GJB6: variants seen among roughly 807,000 people sequenced by gnomAD.
GJB6 encodes gap junction beta-6 protein.
GJB6 carries 5 observed loss-of-function variants against 5.4 expected under a neutral mutation model. That is an observed-to-expected ratio of 0.92 (90% CI 0.48 to 1.93). The LOEUF is 1.93. Ranked by LOEUF, GJB6 falls within the 30% of genes most tolerant of loss-of-function variation. GJB6 has a pLI of 0.01. For missense variants in GJB6, 298 were observed against 326.9 expected, an observed-to-expected ratio of 0.91 and a Z score of 0.68; for synonymous variants, 136 against 129.6, an observed-to-expected ratio of 1.05 and a Z score of -0.34.
At chr13:20,228,419 A>G (rs949824025) in intron 4 of GJB6, among the ~76,000 whole-genome samples, 1 of 152,180 alleles carries the variant, frequency 6.6e-6, no homozygotes, top group African/African-American at 2.4e-5. Flanking sequence ...GTTTTGTAGT[A>G]AATGTAATCA....
rs184890006 is a variant in GJB6 at position 20,230,286 on chromosome 13, G to A, written c.-186+412C>T. On this transcript the variant is annotated intron_variant, in intron 3 of 4. Coordinates refer to ENST00000647029, the MANE Select transcript of GJB6 (RefSeq NM_001110219.3). ...AAAATTAACTCAATAAAAATGAAAC[G>A]TTTCTGTCTGTGGAGTCTAGATGTA... 1.3e-3 allele frequency among the ~76,000 whole-genome samples: 200 copies of A among 152,234 alleles called. 1 individual carries two copies. Among genetic ancestry groups the A allele is most frequent in the Middle Eastern group, 0.01 (3 of 294 alleles).
Position 20,222,853 on chromosome 13 carries a change from A to G in GJB6, c.628T>C (p.Leu210=). The change falls in exon 5 of 5, where the codon TTG becomes CTG. Residue 210 remains leucine (L), a synonymous_variant. Transcript: ENST00000647029. The part of the protein sequence containing the change: ...VICMLLNVAE[L]CYLLLKVCFR... ...CACACTTTCAGCAGCAGGTAGCACA[A>G]CTCTGCCACGTTAAGCAGCATGCAA... The G allele has an allele frequency of 6.2e-7, 1 of 1,614,072 alleles. No individual in the cohort carries two copies. Among genetic ancestry groups the G allele is most frequent in the South Asian group, 1.1e-5 (1 of 91,080 alleles).
At chr13:20,223,829 C>T (rs1329992799) in intron 4 of GJB6, among the ~76,000 whole-genome samples, 4 of 152,044 alleles carry the variant, frequency 2.6e-5, no homozygotes, top group South Asian at 2.1e-4. Flanking sequence ...ATTAGCCTGG[C>T]GTGGTGGCGG....
chr13:20,228,757 T>A (rs911647580), intron 4 of GJB6, among the ~76,000 whole-genome samples: 3 of 151,960 alleles, frequency 2.0e-5, no homozygotes, highest in African/African-American at 4.8e-5. Context: ...GTGCTGGGAT[T>A]ACAAGCATGA....
At chr13:20,229,123 CAAAAAAAA>C (rs5802041) in intron 4 of GJB6, among the ~76,000 whole-genome samples, 2 of 43,876 alleles carry the variant, frequency 4.6e-5, no homozygotes, top group Admixed American at 9.6e-4. Context: ...TGTCATTTAG[CAAAAAAAA>C]AAAAAAAAAA....
At chr13:20,227,992 G>A (rs1243919870) in intron 4 of GJB6, among the ~76,000 whole-genome samples, 1 of 130,290 alleles carries the variant, frequency 7.7e-6, no homozygotes, top group Non-Finnish European at 1.6e-5. Flanking sequence ...TTGTGGGTTG[G>A]GGGTGGCAAA....
rs992970427 is a variant in GJB6 at position 20,222,076 on chromosome 13, C to T, written c.*619G>A. ...AAAAGCCTTCTGCTTCCACACTGTT[C>T]CGTCTACATTCAGAAAGCAGTAAAA... On this transcript the variant is annotated 3_prime_UTR_variant, in exon 5 of 5. Transcript: ENST00000647029. 1 of 153,200 alleles carries T rather than the reference C, an allele frequency of 6.5e-6. No homozygotes were observed. The highest frequency in any genetic ancestry group is 1.5e-5 in the Non-Finnish European group (1 of 68,448). 9.5% of individuals were successfully genotyped at this position (153,200 alleles called of 1,614,324 possible).
rs145040235 is a variant in GJB6 at position 20,226,905 on chromosome 13, C to A, written c.-16+2675G>T. Among the ~76,000 whole-genome samples, 291 of 152,284 alleles carry A rather than the reference C, an allele frequency of 1.9e-3. 1 individual carries two copies. Among genetic ancestry groups the A allele is most frequent in the African/African-American group, 6.6e-3 (273 of 41,558 alleles). On this transcript the variant is annotated intron_variant, in intron 4 of 4. Coordinates refer to ENST00000647029, the MANE Select transcript of GJB6 (RefSeq NM_001110219.3). ...AGCAGGTGAGACAGCTGTGTTCTCT[C>A]GGTTCTCTAGCCCGTGGCCTGCCTG...
chr13:20,228,480 G>GTTTTTTTT, intron 4 of GJB6, among the ~76,000 whole-genome samples: 1 of 118,108 alleles, frequency 8.5e-6, no homozygotes, highest in Non-Finnish European at 1.7e-5. Flanking sequence ...TTTGTTTTTT[G>GTTTTTTTT]TTTTTGTTTT....
intron 4 of GJB6, among the ~76,000 whole-genome samples, chr13:20,229,120 T>C (rs1161095865): frequency 2.8e-5 from 2 of 72,648 alleles, no homozygotes; most frequent in Non-Finnish European, 4.8e-5. Context: ...CAATGTCATT[T>C]AGCAAAAAAA....
rs575990264 is a variant in GJB6, at chr13:20,223,736, C to T, written c.-15-241G>A. Among the ~76,000 whole-genome samples the T allele has an allele frequency of 4.7e-4, 71 of 152,144 alleles. 2 individuals carry two copies. The highest frequency in any genetic ancestry group is 1.6e-3 in the African/African-American group (67 of 41,484). On this transcript the variant is annotated intron_variant, in intron 4 of 4. Coordinates refer to ENST00000647029, the MANE Select transcript of GJB6 (RefSeq NM_001110219.3). ...AACCCAGCACTTTGGGAGGCAGAGGCGGGCAGATCATGAGGTCAGGAGATC... is the reference window on the plus strand; with the variant it reads ...AACCCAGCACTTTGGGAGGCAGAGGTGGGCAGATCATGAGGTCAGGAGATC...
At position 20,232,216 on chromosome 13, in the gene GJB6, G is replaced by C. The variant is rs1166908226; in HGVS notation, c.-442C>G. ...TACCTGCTCTGCGGCCGGCGGCCCT[G>C]GCGCGGGCTCTGCGCGGGGCGGCGC... On this transcript the variant is annotated 5_prime_UTR_variant, in exon 1 of 5. Coordinates refer to ENST00000647029, the MANE Select transcript of GJB6 (RefSeq NM_001110219.3). The C allele has an allele frequency of 6.6e-6, 1 of 152,028 alleles. No individual in the cohort carries two copies. Among genetic ancestry groups the C allele is most frequent in the African/African-American group, 2.4e-5 (1 of 41,432 alleles). 9.4% of individuals were successfully genotyped at this position (152,028 alleles called of 1,614,324 possible).
At chr13:20,228,752 G>T (rs1451048672) in intron 4 of GJB6, among the ~76,000 whole-genome samples, 1 of 151,840 alleles carries the variant, frequency 6.6e-6, no homozygotes. Flanking sequence ...CCAAAGTGCT[G>T]GGATTACAAG....
At chr13:20,224,885 T>C (rs1335720412) in intron 4 of GJB6, among the ~76,000 whole-genome samples, 3 of 152,180 alleles carry the variant, frequency 2.0e-5, no homozygotes, top group Non-Finnish European at 4.4e-5. Context: ...GAGGGACACC[T>C]GTCAGCCTCC....
At position 20,223,494 on chromosome 13, in the gene GJB6, C is replaced by G; in HGVS notation, c.-14G>C. ...CCCCCAATCCATTGCGCTGGTTTAT[C>G]CCTAAACAGACAAAAGTGGGCAAAG... On this transcript the variant is annotated splice_region_variant and 5_prime_UTR_variant, in exon 5 of 5. Coordinates refer to ENST00000647029, the MANE Select transcript of GJB6 (RefSeq NM_001110219.3). The G allele has an allele frequency of 1.2e-6, 2 of 1,613,170 alleles. No homozygotes were observed. Among genetic ancestry groups the G allele is most frequent in the South Asian group, 2.2e-5 (2 of 91,056 alleles).
rs921827020 is a variant in GJB6, at chr13:20,222,877, A to G, written c.604T>C (p.Cys202Arg). The G allele has an allele frequency of 2.5e-6, 4 of 1,614,076 alleles. No homozygotes were observed. The African/African-American group carries it at 5.3e-5, about 22-fold the overall frequency. Residue 202 changes from cysteine (C) to arginine (R), a missense_variant, in exon 5 of 5, where the codon TGC becomes CGC. Physicochemically the swap from Cys to Arg is radical, Grantham distance 180. Coordinates refer to ENST00000647029, the MANE Select transcript of GJB6 (RefSeq NM_001110219.3). ...AACTCTGCCACGTTAAGCAGCATGC[A>G]AATCACAGACGCAGAAATCATAAAA... ...TIFMISASVI[C>R]MLLNVAELCY...
In GJB6 at chr13:20,222,726, C is replaced by T. The variant is rs778717409; in HGVS notation, c.755G>A (p.Gly252Asp). The T allele has an allele frequency of 6.8e-6, 11 of 1,614,084 alleles. No homozygotes were observed. In the East Asian group the frequency reaches 2.2e-4, roughly 33 times the overall value. The change falls in exon 5 of 5, where the codon GGT becomes GAT. Residue 252 changes from glycine (G) to aspartate (D), a missense_variant. Physicochemically the swap from Gly to Asp is moderately conservative, Grantham distance 94. Transcript: ENST00000647029. Reference sequence around the variant, plus strand: ...TGGGAAACCTGTGATTGCATTTTGACCACTATCTGAAATCAGCTCATTCAT... The same window carrying T: ...TGGGAAACCTGTGATTGCATTTTGATCACTATCTGAAATCAGCTCATTCAT... ...NEMNELISDS[G>D]QNAITGFPS
chr13:20,228,824 C>G (rs1360531200), intron 4 of GJB6, among the ~76,000 whole-genome samples: 1 of 152,072 alleles, frequency 6.6e-6, no homozygotes, highest in African/African-American at 2.4e-5. Flanking sequence ...TCTGAAATAT[C>G]TAGCTCTAAA....
Position 20,223,304 on chromosome 13 carries a change from T to C in GJB6, c.177A>G (p.Gly59=), listed in dbSNP as rs371123633. ...AGTGGTCATAGCACACATTTTTGCA[T>C]CCCGGTTGCAGTGTGTTGCAGACGA... ...EDFVCNTLQP[G]CKNVCYDHFF... Residue 59 remains glycine, a synonymous_variant, in exon 5 of 5, where the codon GGA becomes GGG. Coordinates refer to ENST00000647029, the MANE Select transcript of GJB6 (RefSeq NM_001110219.3). 2.4e-4 allele frequency: 385 copies of C among 1,613,998 alleles called. 3 individuals are homozygous for C. Among genetic ancestry groups the C allele is most frequent in the Middle Eastern group, 6.6e-4 (4 of 6,084 alleles).
Sources: gnomAD v4.1 joint callset for allele counts (sites outside exome capture counted in the v4.1 genomes callset) on GRCh38, gnomAD v4.1.1 for gene constraint, MANE v1.5 for transcripts, NCBI Gene and HGNC (gene_info 2026-07-23, HGNC 2026-07-21) for gene names.